Variants in OCIAD2 observed in about 807,000 individuals in gnomAD.
OCIAD2 encodes the protein OCIA domain-containing protein 2.
Under a neutral mutation model 22.9 loss-of-function variants are expected in OCIAD2, and 29 were observed. The ratio of observed to expected loss-of-function variants is 1.27; its 90% CI spans 0.94 to 1.73. The LOEUF (loss-of-function observed/expected upper bound fraction) is 1.73, where lower values mean the gene tolerates loss of function less well. OCIAD2 is among the 40% of genes most tolerant of loss of function. The pLI is 0.00. For missense variants in OCIAD2, 189 were observed against 180.3 expected (o/e 1.05, Z -0.28); for synonymous variants, 67 against 60.2 (o/e 1.11, Z -0.52).
chr4:48,904,264 C>A (rs1457965758), intron 2 of OCIAD2, among the ~76,000 whole-genome samples: 4 of 152,054 alleles, frequency 2.6e-5, no homozygotes, highest in Non-Finnish European at 5.9e-5. Flanking sequence ...CCAGCTTGGG[C>A]AATATAGTGA....
At chr4:48,904,996 G>T (rs530291216) in intron 1 of OCIAD2, among the ~76,000 whole-genome samples, 1 of 152,240 alleles carries the variant, frequency 6.6e-6, no homozygotes, top group East Asian at 1.9e-4. Flanking sequence ...AGAAAGCAGG[G>T]TCCATTCCAT....
intron 4 of OCIAD2, 31 bp downstream of exon 4, chr4:48,897,773 A>AT (rs780386962): frequency 2.6e-6 from 4 of 1,556,346 alleles, no homozygotes; most frequent in Non-Finnish European, 3.5e-6. Flanking sequence ...GCTCTCTGAA[A>AT]TTAGATTATT....
Position 48,894,757 on chromosome 4 carries a change from A to G in OCIAD2, c.218-704T>C, listed in dbSNP as rs568599917. 4.5e-4 allele frequency among the ~76,000 whole-genome samples: 68 copies of G among 152,288 alleles called. No homozygotes were observed. The South Asian group carries it at 0.011, about 25-fold the overall frequency. Reference sequence around the variant, plus strand: ...CCCTCTTTTCTTTTTAAGTAACTTAACATAGAAAGTTTCCATTTGGAGATT... The same window carrying G: ...CCCTCTTTTCTTTTTAAGTAACTTAGCATAGAAAGTTTCCATTTGGAGATT... On this transcript the variant is annotated intron_variant, in intron 4 of 6. Coordinates refer to ENST00000508632, the MANE Select transcript of OCIAD2 (RefSeq NM_001014446.3).
At chr4:48,885,891 A>G (rs1362521868) in intron 6 of OCIAD2, among the ~76,000 whole-genome samples, 2 of 152,258 alleles carry the variant, frequency 1.3e-5, no homozygotes, top group African/African-American at 2.4e-5. Flanking sequence ...TTCACTCTGA[A>G]GGTAGTTTCT....
intron 2 of OCIAD2, 99 bp from the exon 3 acceptor site, chr4:48,900,024 ACAGTGTGTGTTCTCTAC>A (rs1394550034): frequency 2.3e-5 from 18 of 791,600 alleles, no homozygotes; most frequent in Non-Finnish European, 2.1e-6. Flanking sequence ...CACTTGTTAC[ACAGTGTGTGTTCTCTAC>A]CAGAGGCAGC....
At chr4:48,903,137 A>G (rs1391734215) in intron 2 of OCIAD2, among the ~76,000 whole-genome samples, 2 of 152,224 alleles carry the variant, frequency 1.3e-5, no homozygotes, top group Non-Finnish European at 2.9e-5. Flanking sequence ...TAGCTTGAAC[A>G]TGAACGCCAT....
intron 2 of OCIAD2, among the ~76,000 whole-genome samples, chr4:48,902,507 A>G (rs1032947058): frequency 1.3e-5 from 2 of 152,206 alleles, no homozygotes; most frequent in Non-Finnish European, 2.9e-5. Context: ...TCACAGCAGC[A>G]GGAGAAGGAG....
At chr4:48,888,376 G>A (rs930226299) in intron 6 of OCIAD2, among the ~76,000 whole-genome samples, 7 of 152,134 alleles carry the variant, frequency 4.6e-5, no homozygotes, top group Admixed American at 2.6e-4. Flanking sequence ...ACACTATGTT[G>A]AATAGGAGTG....
At position 48,906,421 on chromosome 4, in the gene OCIAD2, C is replaced by T. The variant is rs1173440887; in HGVS notation, c.-63+237G>A. Among the ~76,000 whole-genome samples, 49 of 152,172 alleles carry T rather than the reference C, an allele frequency of 3.2e-4. 1 individual carries two copies. The highest frequency in any genetic ancestry group is 2.9e-5 in the Non-Finnish European group (2 of 68,004). On this transcript the variant is annotated intron_variant, in intron 1 of 6. Coordinates refer to ENST00000508632, the MANE Select transcript of OCIAD2 (RefSeq NM_001014446.3). ...GGGACACTGCACTTTCTGATGCGGT[C>T]GGGGAAGCCGGGAGTCAGCCTACTG...
At chr4:48,890,381 T>G (rs1781134320) in intron 6 of OCIAD2, among the ~76,000 whole-genome samples, 1 of 152,284 alleles carries the variant, frequency 6.6e-6, no homozygotes, top group East Asian at 1.9e-4. Flanking sequence ...CAGGCAGAGT[T>G]TGAACATCTT....
intron 3 of OCIAD2, 48 bp downstream of exon 3, chr4:48,899,776 AATATG>A: frequency 8.1e-7 from 1 of 1,229,104 alleles, no homozygotes; most frequent in Non-Finnish European, 1.2e-6. Flanking sequence ...CCACAATTCT[AATATG>A]ATATTTAGGC....
chr4:48,891,041 A>G (rs140669583), intron 6 of OCIAD2, among the ~76,000 whole-genome samples: 1 of 152,298 alleles, frequency 6.6e-6, no homozygotes, highest in East Asian at 1.9e-4. Flanking sequence ...CTCCAGCCAT[A>G]GGATGTATTT....
At chr4:48,904,866 G>A (rs181522084) in intron 1 of OCIAD2, among the ~76,000 whole-genome samples, 2 of 152,046 alleles carry the variant, frequency 1.3e-5, no homozygotes, top group East Asian at 3.9e-4. Flanking sequence ...CCAGGCCAGG[G>A]GATATGAAGA....
At chr4:48,905,664 G>A (rs1261720955) in intron 1 of OCIAD2, among the ~76,000 whole-genome samples, 1 of 152,212 alleles carries the variant, frequency 6.6e-6, no homozygotes, top group Non-Finnish European at 1.5e-5. Flanking sequence ...TCTGCAAAAT[G>A]AACCTCTTAT....
intron 6 of OCIAD2, among the ~76,000 whole-genome samples, chr4:48,889,582 C>G (rs376040273): frequency 6.6e-6 from 1 of 152,142 alleles, no homozygotes; most frequent in Non-Finnish European, 1.5e-5. Context: ...GTTAGAATGG[C>G]GATCATTAAA....
At chr4:48,894,978 C>T (rs189855666) in intron 4 of OCIAD2, among the ~76,000 whole-genome samples, 1 of 152,186 alleles carries the variant, frequency 6.6e-6, no homozygotes, top group East Asian at 1.9e-4. Flanking sequence ...CAAGGTGTAC[C>T]CAATGTCATC....
chr4:48,890,133 C>T lies in OCIAD2; in HGVS notation c.383+2639G>A, dbSNP rs183856773. Among the ~76,000 whole-genome samples the T allele has an allele frequency of 1.2e-3, 184 of 151,456 alleles. 1 individual carries two copies. The highest frequency in any genetic ancestry group is 4.3e-3 in the African/African-American group (176 of 41,202). On this transcript the variant is annotated intron_variant, in intron 6 of 6. Transcript: ENST00000508632. Reference sequence around the variant, plus strand: ...GGGTGGGGGGAGGGGGAAGAGATAGCATTAGGAGATATACCTAATGTAAAT... The same window carrying T: ...GGGTGGGGGGAGGGGGAAGAGATAGTATTAGGAGATATACCTAATGTAAAT...
intron 6 of OCIAD2, among the ~76,000 whole-genome samples, chr4:48,889,421 A>G (rs1781098519): frequency 6.6e-6 from 1 of 152,216 alleles, no homozygotes; most frequent in Non-Finnish European, 1.5e-5. Flanking sequence ...CAAGAAAAAA[A>G]CAACCCCATC....
chr4:48,898,096 G>C (rs916374641), intron 3 of OCIAD2, among the ~76,000 whole-genome samples: 1 of 152,176 alleles, frequency 6.6e-6, no homozygotes, highest in African/African-American at 2.4e-5. Context: ...TCTACTTCAT[G>C]TCTGACATCC....
Sources: gnomAD v4.1 joint callset for allele counts (sites outside exome capture counted in the v4.1 genomes callset) on GRCh38, gnomAD v4.1.1 for gene constraint, MANE v1.5 for transcripts, NCBI Gene and HGNC (gene_info 2026-07-23, HGNC 2026-07-21) for gene names.